COL25A1: variants seen among roughly 807,000 people sequenced by gnomAD.
COL25A1 encodes collagen alpha-1(XXV) chain.
A neutral mutation model predicts 128.4 loss-of-function variants in COL25A1; 103 were observed. The observed-to-expected ratio is 0.80, with a 90% CI of 0.68 to 0.94. The LOEUF is 0.94. Among genes scored for constraint, COL25A1 ranks in the 40% least tolerant of loss-of-function variants. COL25A1 has a pLI of 0.00. For synonymous variants in COL25A1, 279 were observed against 277.2 expected (o/e 1.01, Z -0.06); for missense variants, 745 against 840.0 (o/e 0.89, Z 1.40).
chr4:108,882,443 C>A (rs1740247991), intron 19 of COL25A1, among the ~76,000 whole-genome samples: 1 of 152,142 alleles, frequency 6.6e-6, no homozygotes, highest in Non-Finnish European at 1.5e-5. Context: ...TGCTTCAGCC[C>A]TTCCTTTTAA....
intron 8 of COL25A1, among the ~76,000 whole-genome samples, chr4:108,943,282 A>G (rs1432419422): frequency 1.3e-5 from 2 of 152,202 alleles, no homozygotes; most frequent in Non-Finnish European, 2.9e-5. Flanking sequence ...ATTTCCCTCA[A>G]TTGACATTCT....
intron 30 of COL25A1, among the ~76,000 whole-genome samples, chr4:108,842,854 A>T (rs1267053783): frequency 6.6e-6 from 1 of 152,188 alleles, no homozygotes; most frequent in Non-Finnish European, 1.5e-5. Context: ...TTTTAAGAAA[A>T]TAAGGTCACA....
In COL25A1 at chr4:109,214,246, T is replaced by C. The variant is rs531404159; in HGVS notation, c.367+86337A>G. 1.8e-4 allele frequency among the ~76,000 whole-genome samples: 27 copies of C among 152,218 alleles called. 1 individual carries two copies. The South Asian group carries it at 5.0e-3, about 28-fold the overall frequency. ...ATTAAAAAAAAGTAACAGAAAAACA[T>C]ATTGAAAACTTCATAAAATCAATTA... On this transcript the variant is annotated intron_variant, in intron 3 of 37. Transcript: ENST00000399132.
chr4:109,300,107 A>T (rs1393081298), intron 3 of COL25A1, among the ~76,000 whole-genome samples: 1 of 151,980 alleles, frequency 6.6e-6, no homozygotes, highest in Non-Finnish European at 1.5e-5. Flanking sequence ...TCTTTTTAAT[A>T]GAACAGAAAC....
chr4:108,845,282 G>C (rs758187914), intron 28 of COL25A1, 31 bp from the exon 29 acceptor site: 1 of 1,572,722 alleles, frequency 6.4e-7, no homozygotes, highest in South Asian at 1.1e-5. Flanking sequence ...GAGTTAAGCA[G>C]GTAAAGTTAT....
intron 15 of COL25A1, 140 bp downstream of exon 15, chr4:108,899,014 C>CTATATATCTAT: frequency 1.8e-6 from 1 of 545,308 alleles, no homozygotes; most frequent in African/African-American, 2.7e-5. Flanking sequence ...TATCTATATA[C>CTATATATCTAT]CTACCTACCT....
rs74954917 is a variant in COL25A1, at chr4:109,186,540, G to A, written c.367+114043C>T. Among the ~76,000 whole-genome samples the A allele has an allele frequency of 6.7e-3, 1,017 of 152,034 alleles. 45 individuals are homozygous for A. In the South Asian group the frequency reaches 0.11, roughly 17 times the overall value. ...ACACAACTTTTTTTTAAAGCATCTC[G>A]AGAATCTAAGAATGTTCTAGCAGTT... On this transcript the variant is annotated intron_variant, in intron 3 of 37. Transcript: ENST00000399132.
intron 5 of COL25A1, among the ~76,000 whole-genome samples, chr4:109,012,860 G>A (rs537762792): frequency 1.6e-4 from 25 of 152,332 alleles, no homozygotes; most frequent in African/African-American, 4.3e-4. Flanking sequence ...GAGTGCAGGC[G>A]CGTGGCATGG....
intron 3 of COL25A1, among the ~76,000 whole-genome samples, chr4:109,060,357 C>A (rs1404808538): frequency 6.6e-6 from 1 of 152,146 alleles, no homozygotes; most frequent in Admixed American, 6.6e-5. Flanking sequence ...CCCAAAGCGA[C>A]CTGTCTCTTC....
chr4:109,246,861 C>A (rs530447833), intron 3 of COL25A1, among the ~76,000 whole-genome samples: 1 of 152,106 alleles, frequency 6.6e-6, no homozygotes, highest in East Asian at 1.9e-4. Flanking sequence ...TTCAAGCTTA[C>A]GTGGAAAATG....
At chr4:109,074,197 G>A (rs1763213011) in intron 3 of COL25A1, among the ~76,000 whole-genome samples, 1 of 152,148 alleles carries the variant, frequency 6.6e-6, no homozygotes, top group Non-Finnish European at 1.5e-5. Context: ...AGGAGGTGGG[G>A]CTCAGGTAGT....
intron 32 of COL25A1, among the ~76,000 whole-genome samples, chr4:108,831,282 T>G (rs1286074465): frequency 6.6e-6 from 1 of 152,130 alleles, no homozygotes; most frequent in Non-Finnish European, 1.5e-5. Flanking sequence ...ATTAGCAAAA[T>G]AGGCTTTACC....
intron 3 of COL25A1, among the ~76,000 whole-genome samples, chr4:109,121,273 A>G (rs1385189798): frequency 1.3e-5 from 2 of 152,126 alleles, no homozygotes; most frequent in Non-Finnish European, 2.9e-5. Context: ...GTGACAAACT[A>G]TGAAAAATAT....
chr4:108,956,154 A>G (rs1449323507), intron 8 of COL25A1, among the ~76,000 whole-genome samples: 1 of 152,212 alleles, frequency 6.6e-6, no homozygotes, highest in African/African-American at 2.4e-5. Context: ...GTGAAAATTT[A>G]TAACAGAATA....
At chr4:108,842,972 T>C (rs2125753464) in intron 30 of COL25A1, among the ~76,000 whole-genome samples, 1 of 151,784 alleles carries the variant, frequency 6.6e-6, no homozygotes, top group South Asian at 2.1e-4. Flanking sequence ...TGGTGAAACT[T>C]CATCTATTCA....
chr4:109,140,361 G>A (rs1269237903), intron 3 of COL25A1, among the ~76,000 whole-genome samples: 5 of 152,208 alleles, frequency 3.3e-5, no homozygotes, highest in Non-Finnish European at 5.9e-5. Flanking sequence ...AAGTCAGGTA[G>A]TGTGATGCCT....
At chr4:108,896,837 A>G (rs1416676338) in intron 15 of COL25A1, 126 bp from the exon 16 acceptor site, 3 of 794,394 alleles carry the variant, frequency 3.8e-6, no homozygotes, top group Non-Finnish European at 6.3e-6. Context: ...TGCTCTATAG[A>G]GCTAATGTAT....
chr4:109,252,768 C>T (rs761313811), intron 3 of COL25A1, among the ~76,000 whole-genome samples: 1 of 152,218 alleles, frequency 6.6e-6, no homozygotes, highest in African/African-American at 2.4e-5. Flanking sequence ...ACAGCTTGAA[C>T]TCTGCCCACT....
intron 3 of COL25A1, among the ~76,000 whole-genome samples, chr4:109,214,825 G>A (rs1034771186): frequency 1.3e-5 from 2 of 152,146 alleles, no homozygotes; most frequent in African/African-American, 4.8e-5. Context: ...CTCTGTGAAA[G>A]CCATGGTTAC....
Sources: allele counts gnomAD v4.1 joint callset (sites outside exome capture counted in the v4.1 genomes callset), GRCh38; gene constraint gnomAD v4.1.1; transcripts MANE v1.5; gene names NCBI Gene and HGNC (gene_info 2026-07-23, HGNC 2026-07-21).